The following RPS6KC1 variants were observed in gnomAD, a reference collection of about 807,000 sequenced individuals.
RPS6KC1 encodes the protein ribosomal protein S6 kinase C1.
Under a neutral mutation model 103.8 loss-of-function variants are expected in RPS6KC1, and 54 were observed. The ratio of observed to expected loss-of-function variants is 0.52; its 90% CI spans 0.42 to 0.65. RPS6KC1 has a LOEUF of 0.65. Among genes scored for constraint, RPS6KC1 ranks in the 30% least tolerant of loss-of-function variants. The pLI, the probability that RPS6KC1 is intolerant of heterozygous loss-of-function variation, is 0.00. For synonymous variants in RPS6KC1, 439 were observed against 438.7 expected, an observed-to-expected ratio of 1.00 and a Z score of -0.01; for missense variants, 1,151 against 1,253.8, an observed-to-expected ratio of 0.92 and a Z score of 1.24.
At chr1:213,079,478 G>A (rs2079654452) in intron 3 of RPS6KC1, among the ~76,000 whole-genome samples, 1 of 152,028 alleles carries the variant, frequency 6.6e-6, no homozygotes, top group African/African-American at 2.4e-5. Context: ...GAGTACAGTG[G>A]TGTGATCTTG....
At chr1:213,664,528 T>C in the RPS6KC1 span, among the ~76,000 whole-genome samples, 1 of 152,212 alleles carries the variant, frequency 6.6e-6, no homozygotes, top group South Asian at 2.1e-4. Context: ...AGGTTTATTC[T>C]ATCAGTTTCC....
At chr1:213,167,727 T>C in intron 6 of RPS6KC1, 131 bp from the exon 7 acceptor site, 1 of 497,102 alleles carries the variant, frequency 2.0e-6, no homozygotes, top group South Asian at 4.0e-5. Flanking sequence ...CTTTCATGTC[T>C]TTTCCAATTT....
At chr1:213,671,087 G>T in the RPS6KC1 span, among the ~76,000 whole-genome samples, 2 of 152,100 alleles carry the variant, frequency 1.3e-5, no homozygotes, top group Admixed American at 1.3e-4. Context: ...CACAGCACTC[G>T]GTTCCAACCA....
At chr1:213,477,796 G>T in the RPS6KC1 span, among the ~76,000 whole-genome samples, 1 of 152,154 alleles carries the variant, frequency 6.6e-6, no homozygotes, top group Admixed American at 6.5e-5. Flanking sequence ...CCCTCTCCCT[G>T]CATGTATAAT....
chr1:213,724,459 C>T, the RPS6KC1 span, among the ~76,000 whole-genome samples: 2 of 152,282 alleles, frequency 1.3e-5, no homozygotes, highest in Middle Eastern at 3.4e-3. Context: ...TCACTTGTCT[C>T]GCCAATACAA....
At chr1:213,829,179 C>T in the RPS6KC1 span, among the ~76,000 whole-genome samples, 1 of 144,438 alleles carries the variant, frequency 6.9e-6, no homozygotes, top group Non-Finnish European at 1.5e-5. Context: ...TACATGCAAA[C>T]AATTGTTGCA....
the RPS6KC1 span, among the ~76,000 whole-genome samples, chr1:213,382,656 G>A: frequency 1.3e-5 from 2 of 152,052 alleles, no homozygotes; most frequent in Admixed American, 1.3e-4. Flanking sequence ...GGCAGGAGGG[G>A]TTCCTGACCT....
the RPS6KC1 span, among the ~76,000 whole-genome samples, chr1:213,538,760 A>T: frequency 1.3e-5 from 2 of 152,134 alleles, no homozygotes; most frequent in Non-Finnish European, 2.9e-5. Context: ...AAGAACATGC[A>T]TTTTACTGGG....
the RPS6KC1 span, among the ~76,000 whole-genome samples, chr1:213,490,855 G>C: frequency 2.0e-5 from 3 of 152,100 alleles, no homozygotes; most frequent in Non-Finnish European, 4.4e-5. Flanking sequence ...TTCGCAGAAT[G>C]GTTCAGATAA....
At chr1:213,704,549 C>A in the RPS6KC1 span, among the ~76,000 whole-genome samples, 2 of 152,252 alleles carry the variant, frequency 1.3e-5, no homozygotes, top group Admixed American at 6.5e-5. Flanking sequence ...TTTAGAATTT[C>A]TTTGAGTTTC....
intron 14 of RPS6KC1, among the ~76,000 whole-genome samples, chr1:213,267,541 T>C (rs1234698387): frequency 1.3e-5 from 2 of 151,974 alleles, no homozygotes; most frequent in African/African-American, 2.4e-5. Context: ...ATGTCCCATA[T>C]TCAGAAAAAA....
the RPS6KC1 span, among the ~76,000 whole-genome samples, chr1:213,849,869 C>T: frequency 6.6e-6 from 1 of 151,932 alleles, no homozygotes; most frequent in Admixed American, 6.6e-5. Context: ...TTACATTACT[C>T]TGGTGGACAG....
the RPS6KC1 span, among the ~76,000 whole-genome samples, chr1:213,736,007 C>A: frequency 1.3e-5 from 2 of 152,166 alleles, no homozygotes; most frequent in Non-Finnish European, 2.9e-5. Context: ...GGCCTTAACA[C>A]CCGCTGGCTC....
At chr1:213,328,540 A>ATATATATATATC in the RPS6KC1 span, among the ~76,000 whole-genome samples, 1 of 133,262 alleles carries the variant, frequency 7.5e-6, no homozygotes, top group Non-Finnish European at 1.6e-5. Flanking sequence ...ATATATATAT[A>ATATATATATATC]TCACACACAC....
chr1:213,701,115 G>A, the RPS6KC1 span, among the ~76,000 whole-genome samples: 1 of 151,952 alleles, frequency 6.6e-6, no homozygotes, highest in Non-Finnish European at 1.5e-5. Context: ...GTGTAAGTGG[G>A]CATCCTTGTT....
intron 12 of RPS6KC1, among the ~76,000 whole-genome samples, chr1:213,245,545 G>T (rs1161930743): frequency 6.6e-6 from 1 of 152,126 alleles, no homozygotes; most frequent in Non-Finnish European, 1.5e-5. Flanking sequence ...CACCTCCTGG[G>T]AATCCTTATC....
chr1:213,088,952 G>A (rs1448838188), intron 3 of RPS6KC1, among the ~76,000 whole-genome samples: 6 of 152,172 alleles, frequency 3.9e-5, no homozygotes, highest in Non-Finnish European at 8.8e-5. Flanking sequence ...ATCTCACATA[G>A]TATAGCAACA....
chr1:213,589,942 T>G, the RPS6KC1 span, among the ~76,000 whole-genome samples: 3,861 of 80,718 alleles, frequency 0.048, 66 homozygotes, highest in South Asian at 0.066. Flanking sequence ...GGTAGTGGTG[T>G]GTGTGTGTGT....
chr1:213,678,710 C>T, the RPS6KC1 span, among the ~76,000 whole-genome samples: 1 of 152,204 alleles, frequency 6.6e-6, no homozygotes, highest in Non-Finnish European at 1.5e-5. Context: ...TTCTAATCAT[C>T]AGTGAGGTTT....
Sources: allele counts gnomAD v4.1 joint callset (sites outside exome capture counted in the v4.1 genomes callset), GRCh38; gene constraint gnomAD v4.1.1; transcripts MANE v1.5; gene names NCBI Gene and HGNC (gene_info 2026-07-23, HGNC 2026-07-21).